The following NSRP1 variants were observed in gnomAD, a reference collection of about 807,000 sequenced individuals.
NSRP1 encodes nuclear speckle splicing regulatory protein 1, also known as coiled-coil domain containing 55.
NSRP1 carries 24 observed loss-of-function variants against 54.7 expected under a neutral mutation model. The ratio of observed to expected loss-of-function variants is 0.44; its 90% confidence interval spans 0.32 to 0.62. The LOEUF is 0.62. Among genes scored for constraint, NSRP1 ranks in the 20% least tolerant of loss-of-function variants. NSRP1 has a pLI of 0.06. For synonymous variants in NSRP1, 210 were observed against 213.8 expected (o/e 0.98, Z 0.15); for missense variants, 596 against 651.2 (o/e 0.92, Z 0.92).
In NSRP1 at chr17:30,186,457, GATATGCTTATAC is replaced by G. The variant is rs1905547207; in HGVS notation, c.*786_*797del. ...TAGTTGGCTTAAATGAAAATAAAAT[GATATGCTTATAC>G]ATTTTATTTATGCATTTATTTTAAA... On this transcript the variant is annotated 3_prime_UTR_variant, in exon 7 of 7. Transcript: ENST00000247026. 1 of 152,076 alleles carries G rather than the reference GATATGCTTATAC, an allele frequency of 6.6e-6. No homozygotes were observed. Among genetic ancestry groups the G allele is most frequent in the African/African-American group, 2.4e-5 (1 of 41,428 alleles). 9.4% of individuals were successfully genotyped at this position (152,076 alleles called of 1,614,324 possible).
At chr17:30,121,906 T>A (rs2071601193) in intron 2 of NSRP1, among the ~76,000 whole-genome samples, 2 of 152,120 alleles carry the variant, frequency 1.3e-5, no homozygotes, top group South Asian at 2.1e-4. Context: ...GCATCACCAC[T>A]GTTTAGAACA....
intron 2 of NSRP1, among the ~76,000 whole-genome samples, chr17:30,169,750 CTTAT>C (rs1904857520): frequency 2.0e-5 from 3 of 151,518 alleles, no homozygotes; most frequent in East Asian, 1.9e-4. Context: ...TCTTTGCATA[CTTAT>C]TTAATTTTTT....
chr17:30,156,931 T>G (rs371726046), intron 2 of NSRP1, among the ~76,000 whole-genome samples: 22 of 152,230 alleles, frequency 1.4e-4, no homozygotes, highest in Non-Finnish European at 2.6e-4. Context: ...TTGGCTGTTG[T>G]GAGTAGTGCT....
At chr17:30,128,234 T>C (rs1019439741) in intron 2 of NSRP1, 2 of 155,014 alleles carry the variant, frequency 1.3e-5, no homozygotes, top group African/African-American at 2.4e-5. Flanking sequence ...ATTCCTTTTA[T>C]AGGTTAAGCA....
At chr17:30,143,375 A>G (rs1042861058) in intron 2 of NSRP1, among the ~76,000 whole-genome samples, 1 of 152,228 alleles carries the variant, frequency 6.6e-6, no homozygotes, top group African/African-American at 2.4e-5. Flanking sequence ...CTTTATCTGC[A>G]AGAAGTACAT....
intron 2 of NSRP1, among the ~76,000 whole-genome samples, chr17:30,119,119 C>T (rs561640118): frequency 2.9e-4 from 43 of 149,100 alleles, no homozygotes; most frequent in African/African-American, 9.9e-4. Context: ...GACAGAGTTT[C>T]GCTCTTGTTA....
chr17:30,164,841 G>A (rs998435027), intron 2 of NSRP1, among the ~76,000 whole-genome samples: 1 of 152,066 alleles, frequency 6.6e-6, no homozygotes, highest in Non-Finnish European at 1.5e-5. Context: ...ATATTCTCCT[G>A]TGTTACACTG....
rs1905217994 is a variant in NSRP1, at chr17:30,179,112, T to C, written c.323T>C (p.Leu108Pro). The change falls in exon 5 of 7, where the codon CTA (leucine) becomes CCA (proline). Residue 108 changes from leucine to proline, a missense_variant. Transcript: ENST00000247026. Reference protein sequence around the residue: ...DRKPKYIHNLLKAVEIRKKEQ... With the variant: ...DRKPKYIHNLPKAVEIRKKEQ... ...TAGCCCAAGTATATTCACAACTTGC[T>C]AAAAGCAGTTGAGATCAGAAAAAAG... 6.3e-7 allele frequency: 1 copy of C among 1,586,700 alleles called. No individual in the cohort carries two copies. Among genetic ancestry groups the C allele is most frequent in the Non-Finnish European group, 8.6e-7 (1 of 1,164,916 alleles).
intron 2 of NSRP1, among the ~76,000 whole-genome samples, chr17:30,163,733 G>A (rs1198178663): frequency 1.4e-5 from 2 of 140,304 alleles, no homozygotes; most frequent in Non-Finnish European, 3.0e-5. Flanking sequence ...CCAGGCTAGA[G>A]TGCAGTGGCA....
Position 30,185,155 on chromosome 17 carries a change from A to G in NSRP1, c.1158A>G (p.Lys386=), listed in dbSNP as rs757374562. Residue 386 remains lysine (K), a synonymous_variant, in exon 7 of 7, where the codon AAA becomes AAG. Coordinates refer to ENST00000247026, the MANE Select transcript of NSRP1 (RefSeq NM_032141.4). ...RVWKREKDRE[K]YSQREQERDR... ...GGAAAAGGGAGAAAGATAGGGAGAA[A>G]TATTCCCAAAGAGAACAAGAAAGAG... 1.9e-6 allele frequency: 3 copies of G among 1,589,772 alleles called. No individual in the cohort carries two copies. The highest frequency in any genetic ancestry group is 1.3e-5 in the African/African-American group (1 of 74,390).
In NSRP1 at chr17:30,185,150, G is replaced by A. The variant is rs764444794; in HGVS notation, c.1153G>A (p.Glu385Lys). 3.8e-6 allele frequency: 6 copies of A among 1,594,370 alleles called. No homozygotes were observed. The highest frequency in any genetic ancestry group is 1.1e-5 in the South Asian group (1 of 88,714). Residue 385 changes from glutamate to lysine, a missense_variant, in exon 7 of 7, where the codon GAG becomes AAG. By Grantham distance (56) the Glu-to-Lys change is moderately conservative. Coordinates refer to ENST00000247026, the MANE Select transcript of NSRP1 (RefSeq NM_032141.4). ...AGTATGGAAAAGGGAGAAAGATAGGGAGAAATATTCCCAAAGAGAACAAGA... is the reference window on the plus strand; with the variant it reads ...AGTATGGAAAAGGGAGAAAGATAGGAAGAAATATTCCCAAAGAGAACAAGA... ...DRVWKREKDREKYSQREQERD... is the reference protein window; with the variant it reads ...DRVWKREKDRKKYSQREQERD...
chr17:30,152,903 CTTTT>C (rs60246615), intron 2 of NSRP1, among the ~76,000 whole-genome samples: 9 of 46,848 alleles, frequency 1.9e-4, no homozygotes, highest in Admixed American at 8.4e-4. Flanking sequence ...TTATTTTCAG[CTTTT>C]TTTTTTTTTT....
At chr17:30,119,524 A>T (rs1203349451) in intron 2 of NSRP1, among the ~76,000 whole-genome samples, 2 of 147,204 alleles carry the variant, frequency 1.4e-5, no homozygotes, top group African/African-American at 2.5e-5. Flanking sequence ...TTTTTTTGAG[A>T]TGGAGTCTCC....
chr17:30,124,356 G>C (rs1421147270), intron 2 of NSRP1, among the ~76,000 whole-genome samples: 1 of 152,236 alleles, frequency 6.6e-6, no homozygotes, highest in Non-Finnish European at 1.5e-5. Context: ...GTTTTTTGAT[G>C]TTACTGCTGT....
In NSRP1 at chr17:30,171,537, C is replaced by A. The variant is rs578091479; in HGVS notation, c.115-1005C>A. Among the ~76,000 whole-genome samples the A allele has an allele frequency of 3.3e-5, 5 of 152,150 alleles. No individual in the cohort carries two copies. The South Asian group carries it at 8.3e-4, about 25-fold the overall frequency. On this transcript the variant is annotated intron_variant, in intron 2 of 6. Transcript: ENST00000247026. ...GCCAGGCTGGTCTCAAAACTCCTGG[C>A]CTCAAGTGATCTGCCTGCCTCAGCC...
chr17:30,155,470 A>C (rs12602065), intron 2 of NSRP1, among the ~76,000 whole-genome samples: 62,569 of 152,030 alleles, frequency 0.41, 14,360 homozygotes, highest in East Asian at 0.82. Context: ...TATTTCTTTG[A>C]ATCTGTTTAG....
At chr17:30,176,496 G>A (rs1905129606) in intron 3 of NSRP1, among the ~76,000 whole-genome samples, 1 of 151,750 alleles carries the variant, frequency 6.6e-6, no homozygotes, top group African/African-American at 2.4e-5. Flanking sequence ...TGTAATCCTA[G>A]CTACTCAGGA....
chr17:30,181,811 T>G (rs1167205831), intron 6 of NSRP1, among the ~76,000 whole-genome samples: 1 of 152,134 alleles, frequency 6.6e-6, no homozygotes, highest in East Asian at 1.9e-4. Flanking sequence ...AGTTTCACCA[T>G]GTTGGCCAGA....
At position 30,163,353 on chromosome 17, in the gene NSRP1, A is replaced by G. The variant is rs1401711183; in HGVS notation, c.115-9189A>G. Among the ~76,000 whole-genome samples the G allele has an allele frequency of 5.9e-5, 9 of 152,020 alleles. No individual in the cohort carries two copies. In the South Asian group the frequency reaches 1.0e-3, roughly 18 times the overall value. ...CTCCCAGAGTGCTGGGATTACAGGC[A>G]TGAGCCACTGTGCCTGACCCTAATT... On this transcript the variant is annotated intron_variant, in intron 2 of 6. Transcript: ENST00000247026.
Sources: gnomAD v4.1 joint callset for allele counts (sites outside exome capture counted in the v4.1 genomes callset) on GRCh38, gnomAD v4.1.1 for gene constraint, MANE v1.5 for transcripts, NCBI Gene and HGNC (gene_info 2026-07-23, HGNC 2026-07-21) for gene names.